The following BANP variants were observed in gnomAD, a reference collection of about 807,000 sequenced individuals.
BANP encodes BTG3 associated nuclear protein, also known as protein BANP.
A neutral mutation model predicts 68.1 loss-of-function variants in BANP; 11 were observed. That is an observed-to-expected ratio of 0.16 (90% CI 0.10 to 0.27). The LOEUF is 0.27. Among genes scored for constraint, BANP ranks in the 10% least tolerant of loss-of-function variants. The probability of loss-of-function intolerance (pLI) is 1.00; values close to 1 mark genes in which losing one functional copy is unlikely to be tolerated. For synonymous variants in BANP, 329 were observed against 303.2 expected, an observed-to-expected ratio of 1.09 and a Z score of -0.88; for missense variants, 504 against 722.7, an observed-to-expected ratio of 0.70 and a Z score of 3.47.
At chr16:88,074,128 G>T (rs575661515) in intron 13 of BANP, among the ~76,000 whole-genome samples, 17 of 152,164 alleles carry the variant, frequency 1.1e-4, no homozygotes, top group Non-Finnish European at 2.1e-4. Flanking sequence ...GGAAGTGACC[G>T]AAGGCCTTCA....
intron 1 of BANP, among the ~76,000 whole-genome samples, chr16:87,951,988 C>T (rs994040048): frequency 3.3e-5 from 5 of 151,546 alleles, no homozygotes; most frequent in East Asian, 3.9e-4. Flanking sequence ...GGCTGTGGAC[C>T]GGAGCCCCAT....
intron 13 of BANP, among the ~76,000 whole-genome samples, chr16:88,075,074 G>A (rs1281831519): frequency 7.9e-5 from 12 of 152,258 alleles, no homozygotes; most frequent in East Asian, 3.9e-4. Flanking sequence ...GGCCGGGCAC[G>A]GTAGCTCACG....
intron 4 of BANP, among the ~76,000 whole-genome samples, chr16:87,995,658 G>T (rs2066986978): frequency 6.6e-6 from 1 of 152,336 alleles, no homozygotes; most frequent in South Asian, 2.1e-4. Context: ...CACTCTGGGT[G>T]GGAAGGAGAC....
chr16:88,026,821 G>A (rs558625589), intron 7 of BANP, among the ~76,000 whole-genome samples: 167 of 152,328 alleles, frequency 1.1e-3, no homozygotes, highest in African/African-American at 3.8e-3. Context: ...GAGGGGAACA[G>A]TAACAATACA....
At chr16:88,076,123 C>T (rs189166442) in intron 13 of BANP, among the ~76,000 whole-genome samples, 15 of 152,214 alleles carry the variant, frequency 9.9e-5, no homozygotes, top group Non-Finnish European at 2.1e-4. Flanking sequence ...TTGACCAGAA[C>T]CTGTATCTTT....
At position 87,972,894 on chromosome 16, in the gene BANP, G is replaced by A. The variant is rs1255659090; in HGVS notation, c.-68-2154G>A. ...GGGGTCCAGAACACTCTGGCCTCTG[G>A]GTCAGCCCTGCAGGCCCCTGTGTGG... On this transcript the variant is annotated intron_variant, in intron 1 of 13. Transcript: ENST00000682872. Among the ~76,000 whole-genome samples, 75 of 152,064 alleles carry A rather than the reference G, an allele frequency of 4.9e-4. 1 individual carries two copies. The highest frequency in any genetic ancestry group is 2.9e-5 in the Non-Finnish European group (2 of 68,022).
intron 4 of BANP, among the ~76,000 whole-genome samples, chr16:87,990,352 T>C (rs1436336384): frequency 1.3e-5 from 2 of 152,230 alleles, no homozygotes; most frequent in Non-Finnish European, 2.9e-5. Context: ...CAGAGATGTG[T>C]CATGTAAGAC....
intron 4 of BANP, among the ~76,000 whole-genome samples, chr16:87,997,083 T>C (rs2067460347): frequency 6.6e-6 from 1 of 152,204 alleles, no homozygotes; most frequent in South Asian, 2.1e-4. Flanking sequence ...AAGGCCACTT[T>C]ATAAGCTCAG....
In BANP at chr16:87,958,711, A is replaced by G. The variant is rs140430548; in HGVS notation, c.-69+7196A>G. On this transcript the variant is annotated intron_variant, in intron 1 of 13. Transcript: ENST00000682872. The stretch of plus-strand genomic sequence containing the variant: ...GAGTGAGACCCTGTCTCAAGAAAAA[A>G]CAAGCAAAAACTATTCCCGTTAAGC... 3.3e-3 allele frequency among the ~76,000 whole-genome samples: 503 copies of G among 152,308 alleles called. 1 individual carries two copies. The highest frequency in any genetic ancestry group is 0.012 in the African/African-American group (484 of 41,566).
Position 88,028,356 on chromosome 16 carries a change from C to T in BANP, c.1063+706C>T, listed in dbSNP as rs865883996. Among the ~76,000 whole-genome samples the T allele has an allele frequency of 2.6e-5, 4 of 152,164 alleles. No homozygotes were observed. In the South Asian group the frequency reaches 6.2e-4, roughly 24 times the overall value. On this transcript the variant is annotated intron_variant, in intron 8 of 13. Transcript: ENST00000682872. ...TCCTATTCAGTGGAGTCTTTGTTGGCGGGAACCCTTTGTTCTGGAAGTCCT... is the reference window on the plus strand; with the variant it reads ...TCCTATTCAGTGGAGTCTTTGTTGGTGGGAACCCTTTGTTCTGGAAGTCCT...
At chr16:87,967,340 T>C (rs899054703) in intron 1 of BANP, among the ~76,000 whole-genome samples, 2 of 146,586 alleles carry the variant, frequency 1.4e-5, no homozygotes. Context: ...AACTCTGACC[T>C]CAGGTGATCC....
intron 8 of BANP, among the ~76,000 whole-genome samples, chr16:88,030,251 A>C (rs2077869791): frequency 6.6e-6 from 1 of 152,256 alleles, no homozygotes; most frequent in Admixed American, 6.5e-5. Context: ...TCAGAAAATC[A>C]GCAAATAGGA....
chr16:88,037,179 GC>G (rs1262858170), intron 10 of BANP: 3 of 152,250 alleles, frequency 2.0e-5, no homozygotes, highest in Admixed American at 2.0e-4. Flanking sequence ...ACACACATTT[GC>G]TTTTTATAGT....
At chr16:88,041,309 G>T (rs769600000) in intron 11 of BANP, among the ~76,000 whole-genome samples, 8 of 152,240 alleles carry the variant, frequency 5.3e-5, no homozygotes, top group Non-Finnish European at 8.8e-5. Flanking sequence ...TCTGCAGCCA[G>T]CAGCAACGTC....
chr16:88,048,047 C>G (rs994943336), intron 11 of BANP, among the ~76,000 whole-genome samples: 4 of 152,196 alleles, frequency 2.6e-5, no homozygotes, highest in Non-Finnish European at 5.9e-5. Flanking sequence ...CAAAGAGCAC[C>G]AAGGCCTGCT....
At chr16:88,007,395 C>G (rs1478053160) in intron 6 of BANP, among the ~76,000 whole-genome samples, 1 of 152,152 alleles carries the variant, frequency 6.6e-6, no homozygotes, top group East Asian at 1.9e-4. Context: ...TACTTGGACT[C>G]CTAGCGGGGG....
chr16:88,058,061 A>G (rs1467478055), intron 11 of BANP, among the ~76,000 whole-genome samples: 1 of 152,078 alleles, frequency 6.6e-6, no homozygotes, highest in African/African-American at 2.4e-5. Flanking sequence ...TTTCACTCTG[A>G]GAGTGAACCG....
chr16:87,980,144 C>A lies in BANP; in HGVS notation c.71-892C>A, dbSNP rs147627586. On this transcript the variant is annotated intron_variant, in intron 2 of 13. Coordinates refer to ENST00000682872, the MANE Select transcript of BANP (RefSeq NM_001386991.1). ...AGACAGTTCACACTGTCATTTCAGG[C>A]AAGGAAATGAGAAGAAAAAACACTC... Among the ~76,000 whole-genome samples the A allele has an allele frequency of 8.8e-4, 134 of 152,144 alleles. 1 individual carries two copies. The highest frequency in any genetic ancestry group is 3.4e-3 in the Middle Eastern group (1 of 294).
At chr16:87,964,550 C>T (rs1191941424) in intron 1 of BANP, among the ~76,000 whole-genome samples, 3 of 152,118 alleles carry the variant, frequency 2.0e-5, no homozygotes, top group East Asian at 1.9e-4. Context: ...GTGAGCGTGG[C>T]GGGGAGGAGA....
Sources: gnomAD v4.1 joint callset for allele counts (sites outside exome capture counted in the v4.1 genomes callset) on GRCh38, gnomAD v4.1.1 for gene constraint, MANE v1.5 for transcripts, NCBI Gene and HGNC (gene_info 2026-07-23, HGNC 2026-07-21) for gene names.